Variants in BNC2 observed in about 807,000 individuals in gnomAD.
The protein encoded by BNC2 is zinc finger protein basonuclin-2.
BNC2 carries 20 observed loss-of-function variants against 76.3 expected under a neutral mutation model. The ratio of observed to expected loss-of-function variants is 0.26; its 90% CI spans 0.18 to 0.38. The LOEUF (loss-of-function observed/expected upper bound fraction) is 0.38. Ranked by LOEUF, BNC2 falls within the 10% of genes least tolerant of loss-of-function variation. BNC2 has a pLI of 1.00. For missense variants in BNC2, 1,382 were observed against 1,399.8 expected (o/e 0.99, Z 0.20); for synonymous variants, 582 against 514.8 (o/e 1.13, Z -1.77).
At chr9:16,731,625 A>AAAGG (rs1324163742) in intron 2 of BNC2, among the ~76,000 whole-genome samples, 5 of 152,218 alleles carry the variant, frequency 3.3e-5, no homozygotes, top group African/African-American at 1.2e-4. Context: ...ATGCACTATA[A>AAAGG]CATGCCTTTC....
intron 3 of BNC2, among the ~76,000 whole-genome samples, chr9:16,589,035 C>T (rs117538211): frequency 0.012 from 1,791 of 152,192 alleles, 16 homozygotes; most frequent in Non-Finnish European, 0.017. Flanking sequence ...ATATTCTGAA[C>T]GACTAATCAT....
At chr9:16,489,874 G>C (rs923029272) in intron 5 of BNC2, among the ~76,000 whole-genome samples, 2 of 152,088 alleles carry the variant, frequency 1.3e-5, no homozygotes, top group African/African-American at 4.8e-5. Context: ...CAAAACTACC[G>C]GCAGTAGAAC....
intron 1 of BNC2, among the ~76,000 whole-genome samples, chr9:16,782,341 G>A (rs1826177124): frequency 6.6e-6 from 1 of 151,820 alleles, no homozygotes; most frequent in Non-Finnish European, 1.5e-5. Flanking sequence ...AATTTTTTTA[G>A]AATAAATGAG....
chr9:16,750,168 T>C (rs1220093390), intron 1 of BNC2, among the ~76,000 whole-genome samples: 3 of 152,126 alleles, frequency 2.0e-5, no homozygotes, highest in Admixed American at 2.0e-4. Flanking sequence ...CTAAAATAAT[T>C]TTAGCTCTAA....
chr9:16,607,673 C>T (rs777525869), intron 3 of BNC2, among the ~76,000 whole-genome samples: 1 of 152,130 alleles, frequency 6.6e-6, no homozygotes, highest in Non-Finnish European at 1.5e-5. Context: ...ATATGCTACA[C>T]GGATGCTTTC....
At chr9:16,774,361 T>C (rs1175332280) in intron 1 of BNC2, among the ~76,000 whole-genome samples, 1 of 152,212 alleles carries the variant, frequency 6.6e-6, no homozygotes, top group Non-Finnish European at 1.5e-5. Context: ...TCGAACTGAA[T>C]CTGGATCTGA....
rs181210911 is a variant in BNC2, at chr9:16,844,392, C to T, written c.3+26254G>A. 3.2e-4 allele frequency among the ~76,000 whole-genome samples: 48 copies of T among 150,292 alleles called. No individual in the cohort carries two copies. In the East Asian group the frequency reaches 7.0e-3, roughly 22 times the overall value. On this transcript the variant is annotated intron_variant, in intron 1 of 6. Coordinates refer to ENST00000380672, the MANE Select transcript of BNC2 (RefSeq NM_017637.6). Reference sequence around the variant, plus strand: ...AGAATTCAGTGTTCAATCAAGTACACACCTTAAAAAAAATCAACATTCCTT... The same window carrying T: ...AGAATTCAGTGTTCAATCAAGTACATACCTTAAAAAAAATCAACATTCCTT...
In BNC2 at chr9:16,728,285, T is replaced by C. The variant is rs575434696; in HGVS notation, c.130-288A>G. The C allele has an allele frequency of 5.5e-5, 27 of 487,052 alleles. No homozygotes were observed. In the Admixed American group the frequency reaches 6.8e-4, roughly 12 times the overall value. The allele number at this position is 487,052 out of a possible 1,614,324, so 30.2% of individuals were successfully genotyped here. A position where few individuals can be genotyped will look rare whatever the true frequency, so the allele number is the denominator to read the frequency against. ...CAAACTCTCAGCCACTGCATGTCAT[T>C]GGATAGCAGAGCTAAGAGTCAACTG... On this transcript the variant is annotated intron_variant, in intron 2 of 6. Coordinates refer to ENST00000380672, the MANE Select transcript of BNC2 (RefSeq NM_017637.6).
In BNC2 at chr9:16,857,236, G is replaced by C. The variant is rs146401751; in HGVS notation, c.3+13410C>G. On this transcript the variant is annotated intron_variant, in intron 1 of 6. Coordinates refer to ENST00000380672, the MANE Select transcript of BNC2 (RefSeq NM_017637.6). ...CTCACGCATGTAATCCCAGCACTTTGGGAGGTTGAGGTGGGCAGATCACCA... is the reference window on the plus strand; with the variant it reads ...CTCACGCATGTAATCCCAGCACTTTCGGAGGTTGAGGTGGGCAGATCACCA... 4.0e-3 allele frequency among the ~76,000 whole-genome samples: 610 copies of C among 152,150 alleles called. 4 individuals are homozygous for C. The highest frequency in any genetic ancestry group is 0.014 in the African/African-American group (586 of 41,488).
At chr9:16,678,865 G>A (rs910334398) in intron 3 of BNC2, among the ~76,000 whole-genome samples, 5 of 152,130 alleles carry the variant, frequency 3.3e-5, no homozygotes, top group African/African-American at 1.2e-4. Context: ...TCCTTCGGTA[G>A]TGCCTGAAAA....
At chr9:16,659,376 G>C (rs900525107) in intron 3 of BNC2, among the ~76,000 whole-genome samples, 2 of 152,134 alleles carry the variant, frequency 1.3e-5, no homozygotes, top group Non-Finnish European at 2.9e-5. Flanking sequence ...TTGGGGGGCC[G>C]AGGTGGGCAG....
At chr9:16,788,791 T>C (rs147982902) in intron 1 of BNC2, among the ~76,000 whole-genome samples, 58 of 152,232 alleles carry the variant, frequency 3.8e-4, no homozygotes, top group Middle Eastern at 6.8e-3. Context: ...CCTGCCAAGG[T>C]TGACTTGCAG....
At chr9:16,477,995 T>G (rs1821963507) in intron 5 of BNC2, among the ~76,000 whole-genome samples, 1 of 152,124 alleles carries the variant, frequency 6.6e-6, no homozygotes, top group Admixed American at 6.5e-5. Flanking sequence ...CCCTGCATCT[T>G]TCCATATCCT....
intron 1 of BNC2, among the ~76,000 whole-genome samples, chr9:16,775,224 T>A (rs1022626107): frequency 1.2e-4 from 18 of 152,184 alleles, no homozygotes; most frequent in Non-Finnish European, 2.2e-4. Flanking sequence ...TCAAGTTTAA[T>A]CGCTTTTTGA....
At chr9:16,552,481 C>T (rs932559641) in intron 5 of BNC2, 49 bp downstream of exon 5, 2 of 1,535,126 alleles carry the variant, frequency 1.3e-6, no homozygotes, top group East Asian at 2.3e-5. Context: ...CACCCTTCCC[C>T]ACCCACAGTC....
chr9:16,495,856 G>A (rs1228072761), intron 5 of BNC2, among the ~76,000 whole-genome samples: 1 of 151,862 alleles, frequency 6.6e-6, no homozygotes, highest in East Asian at 1.9e-4. Context: ...CACTACCCTG[G>A]ACTAGGCAGG....
intron 4 of BNC2, among the ~76,000 whole-genome samples, chr9:16,576,003 A>G (rs1484645916): frequency 1.3e-5 from 2 of 152,226 alleles, no homozygotes; most frequent in Non-Finnish European, 2.9e-5. Context: ...AGAAGACGAT[A>G]GTGTTTCTAT....
At chr9:16,744,708 G>A (rs188745900) in intron 1 of BNC2, among the ~76,000 whole-genome samples, 2 of 152,102 alleles carry the variant, frequency 1.3e-5, no homozygotes, top group African/African-American at 4.8e-5. Context: ...CACAGACAAC[G>A]TTGGCCCCAA....
At chr9:16,541,882 G>GA (rs556166975) in intron 5 of BNC2, among the ~76,000 whole-genome samples, 22 of 151,636 alleles carry the variant, frequency 1.5e-4, no homozygotes, top group South Asian at 2.1e-4. Flanking sequence ...TAAGGAATCT[G>GA]AAAAAAAATG....
Sources: allele counts gnomAD v4.1 joint callset (sites outside exome capture counted in the v4.1 genomes callset), GRCh38; gene constraint gnomAD v4.1.1; transcripts MANE v1.5; gene names NCBI Gene and HGNC (gene_info 2026-07-23, HGNC 2026-07-21).